Variants in ZNF248 observed in about 807,000 individuals in gnomAD.
ZNF248 encodes zinc finger protein 248.
Under a neutral mutation model 44.3 loss-of-function variants are expected in ZNF248, and 20 were observed. That is an observed-to-expected ratio of 0.45 (90% confidence interval 0.32 to 0.66). The LOEUF (loss-of-function observed/expected upper bound fraction) is 0.66. Among genes scored for constraint, ZNF248 ranks in the 30% least tolerant of loss-of-function variants. The pLI is 0.04. For synonymous variants in ZNF248, 224 were observed against 229.0 expected (o/e 0.98, Z 0.20); for missense variants, 654 against 677.0 (o/e 0.97, Z 0.38).
At chr10:37,765,681 C>A in the ZNF248 span, among the ~76,000 whole-genome samples, 8 of 152,350 alleles carry the variant, frequency 5.3e-5, no homozygotes, top group Non-Finnish European at 8.8e-5. Context: ...CTCTGGTCTA[C>A]AGCTCCCAGC....
rs1021333769 is a variant in ZNF248, at chr10:37,793,326, C to G, written c.331-16751G>C. Among the ~76,000 whole-genome samples the G allele has an allele frequency of 2.6e-5, 4 of 152,076 alleles. No individual in the cohort carries two copies. The South Asian group carries it at 8.3e-4, about 32-fold the overall frequency. On this transcript the variant is annotated intron_variant, in intron 6 of 6. Coordinates refer to the ZNF248 transcript ENST00000615949. ...CTCCAGCCTGGGTGACAGAGAGAGA[C>G]TCTGTCTAAAAAAAAATTATTCAAA... is the stretch of plus-strand genomic sequence containing the variant.
downstream of ZNF248, among the ~76,000 whole-genome samples, chr10:37,771,603 A>C (rs1304069061): frequency 7.6e-6 from 1 of 132,222 alleles, no homozygotes; most frequent in Admixed American, 8.6e-5. Flanking sequence ...GAAGGAGAAC[A>C]TCACACTCCG....
rs547611615 is a variant in ZNF248, at chr10:37,843,663, G to A, written c.16-5552C>T. ...AAATAAATTAAGTGTCATCAAAAAT[G>A]ACAAATAACTAAAAGAAATGAGGCC... On this transcript the variant is annotated intron_variant, in intron 3 of 5. Transcript: ENST00000395867. Among the ~76,000 whole-genome samples the A allele has an allele frequency of 2.0e-5, 3 of 152,176 alleles. No individual in the cohort carries two copies. In the East Asian group the frequency reaches 5.8e-4, roughly 29 times the overall value.
chr10:37,788,434 A>G (rs1316621280), intron 6 of ZNF248, among the ~76,000 whole-genome samples: 2 of 152,096 alleles, frequency 1.3e-5, no homozygotes, highest in Non-Finnish European at 2.9e-5. Flanking sequence ...TAACCTGGTC[A>G]ACATGGTGAA....
chr10:37,825,757 T>G (rs1194336872), downstream of ZNF248, among the ~76,000 whole-genome samples: 1 of 152,076 alleles, frequency 6.6e-6, no homozygotes, highest in Non-Finnish European at 1.5e-5. Context: ...TTTCCAAACT[T>G]TGAATGGGAA....
At position 37,806,984 on chromosome 10, in the gene ZNF248, T is replaced by A. The variant is rs1291754714; in HGVS notation, c.330+26041A>T. ...ATGTCAATACCCAGTTTTCCCAGCA[T>A]TTTTTTTTTCTTTTTTTGAGACAGA... On this transcript the variant is annotated intron_variant, in intron 6 of 6. Coordinates refer to the ZNF248 transcript ENST00000615949. Among the ~76,000 whole-genome samples, 3 of 36,726 alleles carry A rather than the reference T, an allele frequency of 8.2e-5. No homozygotes were observed. In the Admixed American group the frequency reaches 9.2e-4, roughly 11 times the overall value. 24.1% of individuals were successfully genotyped at this position (36,726 alleles called of 152,430 possible).
chr10:37,766,079 C>T, the ZNF248 span, among the ~76,000 whole-genome samples: 1 of 152,254 alleles, frequency 6.6e-6, no homozygotes, highest in African/African-American at 2.4e-5. Flanking sequence ...TGCAATTGCC[C>T]AGGCTTGATT....
rs2133836218 is a variant in ZNF248 at position 37,829,733 on chromosome 10, A to G, written c.*1882T>C. On this transcript the variant is annotated 3_prime_UTR_variant, in exon 6 of 6. Transcript: ENST00000395867. ...AAGCCAATACCATGTTACAGACATG[A>G]AAAAGCCCAGCAGAGTCTCTTCTCA... The G allele has an allele frequency of 1.0e-6, 1 of 985,360 alleles. No homozygotes were observed. The highest frequency in any genetic ancestry group is 4.7e-5 in the South Asian group (1 of 21,292). 61.0% of individuals were successfully genotyped at this position (985,360 alleles called of 1,614,324 possible).
At chr10:37,807,373 T>G (rs2050736490) in intron 6 of ZNF248, among the ~76,000 whole-genome samples, 1 of 152,172 alleles carries the variant, frequency 6.6e-6, no homozygotes. Flanking sequence ...ACCTCCAATG[T>G]TGTTCTTTAT....
At chr10:37,816,557 T>C (rs551501983) in intron 6 of ZNF248, among the ~76,000 whole-genome samples, 3 of 152,328 alleles carry the variant, frequency 2.0e-5, no homozygotes, top group African/African-American at 4.8e-5. Context: ...CTATTATTAG[T>C]TGTCTCTTTC....
Position 37,838,106 on chromosome 10 carries a change from T to G in ZNF248, c.21A>C (p.Gln7His). The change falls in exon 4 of 6, where the codon CAA (glutamine) becomes CAC (histidine). Residue 7 changes from glutamine (Q) to histidine (H), a missense_variant. Coordinates refer to ENST00000395867, the MANE Select transcript of ZNF248 (RefSeq NM_021045.3). ...CCACACATACATCCTTGAATGACAC[T>G]TGTTCCTGTAATAGTATACTCTTTT... MNKSQE[Q>H]VSFKDVCVDF... is the part of the protein sequence containing the mutation. 1 of 1,612,344 alleles carries G rather than the reference T, an allele frequency of 6.2e-7. No individual in the cohort carries two copies. Among genetic ancestry groups the G allele is most frequent in the South Asian group, 1.1e-5 (1 of 90,976 alleles).
chr10:37,813,103 T>C (rs1208701), intron 6 of ZNF248, among the ~76,000 whole-genome samples: 4 of 151,050 alleles, frequency 2.6e-5, no homozygotes, highest in Admixed American at 2.0e-4. Flanking sequence ...CAAGATCTCA[T>C]AGACTTCACA....
chr10:37,791,049 T>C (rs1425895049), intron 6 of ZNF248, among the ~76,000 whole-genome samples: 1 of 103,560 alleles, frequency 9.7e-6, no homozygotes. Context: ...TTTCTTTTTT[T>C]TTTTTTTTTT....
In ZNF248 at chr10:37,797,855, G is replaced by T. The variant is rs553213350; in HGVS notation, c.331-21280C>A. Reference sequence around the variant, plus strand: ...AGTTAAATCCCTCATGCACATTGTTGATTAGAATGCAAAATGGTGCTTCCT... The same window carrying T: ...AGTTAAATCCCTCATGCACATTGTTTATTAGAATGCAAAATGGTGCTTCCT... On this transcript the variant is annotated intron_variant, in intron 6 of 6. Coordinates refer to the ZNF248 transcript ENST00000615949. Among the ~76,000 whole-genome samples the T allele has an allele frequency of 2.0e-4, 30 of 152,226 alleles. No homozygotes were observed. The East Asian group carries it at 5.8e-3, about 29-fold the overall frequency.
intron 1 of ZNF248, 165 bp downstream of exon 1, chr10:37,857,020 A>T (rs1281006296): frequency 6.6e-6 from 1 of 152,320 alleles, no homozygotes; most frequent in African/African-American, 2.4e-5. Context: ...AGGCCAAGAG[A>T]GGAGGAAGCT....
chr10:37,838,022 A>G lies in ZNF248; in HGVS notation c.105T>C (p.Asp35=). The change falls in exon 4 of 6, where the codon GAT becomes GAC. Residue 35 remains aspartate, a synonymous_variant. Transcript: ENST00000395867. ...LDPAQKILYR[D]VILENYSNLV... ...GATTGCTATAATTTTCCAGGATCAC[A>G]TCTCTGTATAGAATCTTCTGAGCAG... 3.7e-6 allele frequency: 6 copies of G among 1,613,804 alleles called. No individual in the cohort carries two copies. Among genetic ancestry groups the G allele is most frequent in the Non-Finnish European group, 5.1e-6 (6 of 1,179,806 alleles).
At chr10:37,849,027 A>T (rs1171930141) in intron 3 of ZNF248, among the ~76,000 whole-genome samples, 1 of 152,260 alleles carries the variant, frequency 6.6e-6, no homozygotes, top group Non-Finnish European at 1.5e-5. Flanking sequence ...TATAAGAAAT[A>T]GAAATGGAAA....
chr10:37,770,058 A>C, the ZNF248 span, among the ~76,000 whole-genome samples: 34 of 152,312 alleles, frequency 2.2e-4, no homozygotes, highest in African/African-American at 6.7e-4. Flanking sequence ...TAGAAATCCA[A>C]CTTACAAGGG....
At chr10:37,811,911 C>T (rs568349645) in intron 6 of ZNF248, among the ~76,000 whole-genome samples, 28 of 151,684 alleles carry the variant, frequency 1.8e-4, no homozygotes, top group African/African-American at 4.8e-4. Flanking sequence ...CTAACCAAGA[C>T]GCAGCAGACA....
Sources: gnomAD v4.1 joint callset for allele counts (sites outside exome capture counted in the v4.1 genomes callset) on GRCh38, gnomAD v4.1.1 for gene constraint, MANE v1.5 for transcripts, NCBI Gene and HGNC (gene_info 2026-07-23, HGNC 2026-07-21) for gene names.